The following VPS26A variants were observed in gnomAD, a reference collection of about 807,000 sequenced individuals.
VPS26A encodes VPS26 retromer complex component A, also known as vacuolar protein sorting-associated protein 26A.
Under a neutral mutation model 42.4 loss-of-function variants are expected in VPS26A, and 22 were observed. The ratio of observed to expected loss-of-function variants is 0.52; its 90% CI spans 0.37 to 0.74. The LOEUF (loss-of-function observed/expected upper bound fraction) is 0.74. VPS26A is among the 30% of genes least tolerant of loss of function. The pLI is 0.00. For missense variants in VPS26A, 276 were observed against 379.2 expected, an observed-to-expected ratio of 0.73 and a Z score of 2.26; for synonymous variants, 110 against 123.5, an observed-to-expected ratio of 0.89 and a Z score of 0.73.
At chr10:69,170,765 C>A (rs1841797485) in intron 8 of VPS26A, among the ~76,000 whole-genome samples, 1 of 152,180 alleles carries the variant, frequency 6.6e-6, no homozygotes, top group Non-Finnish European at 1.5e-5. Flanking sequence ...GATTAACCTG[C>A]TAGTGATAAT....
At chr10:69,128,522 G>A (rs555173125) in intron 1 of VPS26A, among the ~76,000 whole-genome samples, 1 of 152,166 alleles carries the variant, frequency 6.6e-6, no homozygotes, top group Admixed American at 6.5e-5. Context: ...GAGCCACCGC[G>A]CCTGGCGATT....
At position 69,171,159 on chromosome 10, in the gene VPS26A, A is replaced by G. The variant is rs1380901915; in HGVS notation, c.874A>G (p.Ile292Val). ...ATATCTTGCATTTGTTTACTAGGAG[A>G]TAATTTTATGGAGAAAAGCTCCTGA... The part of the protein sequence containing the change: ...EDRRYFKQQE[I>V]ILWRKAPEKL... The change falls in exon 9 of 9, where the codon ATA becomes GTA. Residue 292 changes from isoleucine (I) to valine (V), a missense_variant. Ile to Val is a conservative substitution (Grantham distance 29). Coordinates refer to ENST00000263559, the MANE Select transcript of VPS26A (RefSeq NM_004896.5). The G allele has an allele frequency of 1.2e-6, 2 of 1,608,862 alleles. No individual in the cohort carries two copies. Among genetic ancestry groups the G allele is most frequent in the East Asian group, 2.2e-5 (1 of 44,852 alleles).
chr10:69,142,036 A>G (rs1841053003), intron 2 of VPS26A, among the ~76,000 whole-genome samples: 1 of 151,628 alleles, frequency 6.6e-6, no homozygotes, highest in Admixed American at 6.6e-5. Flanking sequence ...GGCGCATGCC[A>G]CCACGCCCGG....
In VPS26A at chr10:69,160,127, T is replaced by TACACACAC. The variant is rs71035066; in HGVS notation, c.551+1950_551+1957dup. On this transcript the variant is annotated intron_variant, in intron 5 of 8. Coordinates refer to ENST00000263559, the MANE Select transcript of VPS26A (RefSeq NM_004896.5). ...CTTCCCTTCAGACTGACATAATTTT[T>TACACACAC]ACACACACACACACACACACACACA... Among the ~76,000 whole-genome samples the TACACACAC allele has an allele frequency of 8.3e-3, 1,226 of 148,432 alleles. 5 individuals are homozygous for TACACACAC. Among genetic ancestry groups the TACACACAC allele is most frequent in the East Asian group, 0.023 (116 of 5,042 alleles).
rs555895040 is a variant in VPS26A at position 69,168,740 on chromosome 10, T to C, written c.870+109T>C. 9.7e-6 allele frequency: 13 copies of C among 1,342,216 alleles called. No homozygotes were observed. In the African/African-American group the frequency reaches 1.5e-4, roughly 15 times the overall value. The allele number at this position is 1,342,216 out of a possible 1,614,324, so 83.1% of individuals were successfully genotyped here. A position where few individuals can be genotyped will look rare whatever the true frequency, so the allele number is the denominator to read the frequency against. On this transcript the variant is annotated intron_variant, in intron 8 of 8. Coordinates refer to ENST00000263559, the MANE Select transcript of VPS26A (RefSeq NM_004896.5). ...GAGCGAGTGGGAGTTTCTAAATAAA[T>C]AAAAACACTGTGGGTATGATAGATA...
chr10:69,161,706 G>T, intron 5 of VPS26A: 1 of 385,808 alleles, frequency 2.6e-6, no homozygotes, highest in Non-Finnish European at 5.2e-6. Context: ...CAGCACAAAG[G>T]GCCTCCACCA....
intron 2 of VPS26A, among the ~76,000 whole-genome samples, chr10:69,148,030 A>G (rs1232452818): frequency 6.6e-6 from 1 of 152,138 alleles, no homozygotes; most frequent in Non-Finnish European, 1.5e-5. Context: ...GTGTTTTCAT[A>G]TGAAAACTTT....
chr10:69,152,421 A>G (rs1841333894), intron 2 of VPS26A, among the ~76,000 whole-genome samples: 1 of 152,152 alleles, frequency 6.6e-6, no homozygotes, highest in African/African-American at 2.4e-5. Flanking sequence ...CTTTATCATT[A>G]TTGTTTTTAA....
At chr10:69,168,868 C>A (rs1308241501) in intron 8 of VPS26A, among the ~76,000 whole-genome samples, 3 of 152,080 alleles carry the variant, frequency 2.0e-5, no homozygotes, top group Non-Finnish European at 4.4e-5. Flanking sequence ...TTTTCTCTTA[C>A]AAGTTCTTTT....
intron 2 of VPS26A, among the ~76,000 whole-genome samples, chr10:69,140,585 G>A (rs767873109): frequency 8.0e-5 from 12 of 150,180 alleles, no homozygotes; most frequent in Admixed American, 1.3e-4. Context: ...GGGTTTCACC[G>A]TGTTGCCCAG....
intron 1 of VPS26A, among the ~76,000 whole-genome samples, chr10:69,124,846 T>A (rs545106328): frequency 6.6e-6 from 1 of 152,346 alleles, no homozygotes; most frequent in East Asian, 1.9e-4. Context: ...GACGTTGGAA[T>A]GGGGGATATC....
At chr10:69,159,395 A>C (rs557498921) in intron 5 of VPS26A, among the ~76,000 whole-genome samples, 7 of 152,034 alleles carry the variant, frequency 4.6e-5, no homozygotes, top group Non-Finnish European at 8.8e-5. Context: ...AAAAAAACAA[A>C]AAAAAAAGAT....
At position 69,124,201 on chromosome 10, in the gene VPS26A, A is replaced by AGCGGAGGGAGCCGGG. The variant is rs1840590583; in HGVS notation, c.-74_-60dup. ...CCGAGGTCACGTGACGGAGCGCCGG[A>AGCGGAGGGAGCCGGG]GCGGAGGGAGCCGGGGCTGGGAGTT... is the stretch of plus-strand genomic sequence containing the variant. On this transcript the variant is annotated 5_prime_UTR_variant, in exon 1 of 9. Transcript: ENST00000263559. The AGCGGAGGGAGCCGGG allele has an allele frequency of 7.9e-6, 10 of 1,261,646 alleles. No individual in the cohort carries two copies. The highest frequency in any genetic ancestry group is 9.0e-6 in the Non-Finnish European group (9 of 996,728). The allele number at this position is 1,261,646 out of a possible 1,614,324, so 78.2% of individuals were successfully genotyped here.
chr10:69,127,076 G>A (rs1589341030), intron 1 of VPS26A, among the ~76,000 whole-genome samples: 1 of 142,738 alleles, frequency 7.0e-6, no homozygotes, highest in South Asian at 2.3e-4. Flanking sequence ...ACAGGAATGC[G>A]CCACCACACC....
chr10:69,168,763 A>C, intron 8 of VPS26A, 132 bp downstream of exon 8: 1 of 1,113,734 alleles, frequency 9.0e-7, no homozygotes, highest in Non-Finnish European at 1.2e-6. Flanking sequence ...GGTATGATAG[A>C]TAAAGAAGTA....
chr10:69,162,537 T>A (rs746352793), intron 6 of VPS26A, 25 bp downstream of exon 6: 2 of 1,399,096 alleles, frequency 1.4e-6, no homozygotes, highest in Non-Finnish European at 2.0e-6. Flanking sequence ...GTATGTAAAT[T>A]AAAATTCTTT....
chr10:69,138,664 G>A (rs1304363370), intron 2 of VPS26A, among the ~76,000 whole-genome samples: 1 of 152,076 alleles, frequency 6.6e-6, no homozygotes, highest in East Asian at 1.9e-4. Flanking sequence ...ATTTTTATTT[G>A]TGTATATTGT....
intron 1 of VPS26A, among the ~76,000 whole-genome samples, chr10:69,128,371 A>G (rs1270764449): frequency 3.3e-5 from 5 of 151,878 alleles, no homozygotes; most frequent in Admixed American, 3.3e-4. Context: ...AGCTGGGACT[A>G]CAAGTGCATG....
chr10:69,126,282 C>T (rs754501267), intron 1 of VPS26A, among the ~76,000 whole-genome samples: 2 of 151,936 alleles, frequency 1.3e-5, no homozygotes, highest in Non-Finnish European at 2.9e-5. Flanking sequence ...GCCAACATGG[C>T]GAAACCCCGT....
Sources: gnomAD v4.1 joint callset for allele counts (sites outside exome capture counted in the v4.1 genomes callset) on GRCh38, gnomAD v4.1.1 for gene constraint, MANE v1.5 for transcripts, NCBI Gene and HGNC (gene_info 2026-07-23, HGNC 2026-07-21) for gene names.